Variants in SGCZ observed in about 807,000 individuals in gnomAD.
SGCZ encodes the protein sarcoglycan zeta, also known as zeta-sarcoglycan.
SGCZ carries 40 observed loss-of-function variants against 41.3 expected under a neutral mutation model. The ratio of observed to expected loss-of-function variants is 0.97; its 90% CI spans 0.75 to 1.26. The LOEUF (loss-of-function observed/expected upper bound fraction) is 1.26, where lower values mean the gene tolerates loss of function less well. Ranked by LOEUF, SGCZ falls within the 50% of genes most tolerant of loss-of-function variation. SGCZ has a pLI of 0.00. For missense variants in SGCZ, 552 were observed against 369.8 expected (o/e 1.49, Z -4.04); for synonymous variants, 206 against 137.5 (o/e 1.50, Z -3.49).
chr8:14,175,586 A>G (rs1020309814), intron 4 of SGCZ, among the ~76,000 whole-genome samples: 2 of 152,122 alleles, frequency 1.3e-5, no homozygotes, highest in Non-Finnish European at 2.9e-5. Context: ...TTCTTTTGGC[A>G]TAACTACTAA....
intron 1 of SGCZ, among the ~76,000 whole-genome samples, chr8:14,896,357 T>C (rs907160128): frequency 1.3e-5 from 2 of 152,216 alleles, no homozygotes; most frequent in African/African-American, 4.8e-5. Flanking sequence ...TAATGCCTAA[T>C]GGCACTGACT....
intron 2 of SGCZ, among the ~76,000 whole-genome samples, chr8:14,362,872 T>G (rs1311139531): frequency 6.6e-6 from 1 of 152,222 alleles, no homozygotes; most frequent in Non-Finnish European, 1.5e-5. Flanking sequence ...TTTATCTACA[T>G]ATATATGCAA....
intron 1 of SGCZ, among the ~76,000 whole-genome samples, chr8:14,592,190 A>T (rs182746638): frequency 6.6e-6 from 1 of 152,268 alleles, no homozygotes; most frequent in African/African-American, 2.4e-5. Flanking sequence ...CAGACTACAC[A>T]TTATCTCCAG....
intron 4 of SGCZ, among the ~76,000 whole-genome samples, chr8:14,183,752 A>T (rs1804810351): frequency 6.6e-6 from 1 of 152,198 alleles, no homozygotes; most frequent in Non-Finnish European, 1.5e-5. Context: ...TTCCCTGTAA[A>T]CTAAGAAAGG....
At chr8:14,516,874 T>G (rs10110025) in intron 2 of SGCZ, among the ~76,000 whole-genome samples, 46,410 of 151,818 alleles carry the variant, frequency 0.31, 8,191 homozygotes, top group African/African-American at 0.5. Flanking sequence ...ATAACTATTT[T>G]ATATAGAAAC....
In SGCZ at chr8:14,227,652, A is replaced by G. The variant is rs184096368; in HGVS notation, c.424+9940T>C. 4.5e-4 allele frequency among the ~76,000 whole-genome samples: 68 copies of G among 152,226 alleles called. No individual in the cohort carries two copies. The Middle Eastern group carries it at 0.017, about 38-fold the overall frequency. On this transcript the variant is annotated intron_variant, in intron 4 of 7. Transcript: ENST00000382080. ...AAGGGATTCATAACAATCTTAAGAA[A>G]TCTGAAGAGATTTGGGTAATACTGT...
intron 1 of SGCZ, among the ~76,000 whole-genome samples, chr8:15,040,509 C>A (rs991841428): frequency 6.6e-6 from 1 of 151,944 alleles, no homozygotes; most frequent in Non-Finnish European, 1.5e-5. Context: ...CCCAGCTACT[C>A]GGGAGGCTAA....
At chr8:15,221,739 T>G (rs1801610747) in intron 1 of SGCZ, among the ~76,000 whole-genome samples, 1 of 152,128 alleles carries the variant, frequency 6.6e-6, no homozygotes. Flanking sequence ...ATTTTACACT[T>G]TTTTTTAAAC....
intron 4 of SGCZ, among the ~76,000 whole-genome samples, chr8:14,175,434 T>C (rs993003711): frequency 2.0e-5 from 3 of 152,036 alleles, no homozygotes; most frequent in East Asian, 3.8e-4. Flanking sequence ...GTTTGAGAAA[T>C]ATAGAGAAAT....
chr8:15,173,826 A>T (rs921516084), intron 1 of SGCZ, among the ~76,000 whole-genome samples: 4 of 151,962 alleles, frequency 2.6e-5, no homozygotes, highest in Non-Finnish European at 5.9e-5. Flanking sequence ...TGCAGCTTTG[A>T]CCTCTAGGGC....
rs553561734 is a variant in SGCZ, at chr8:14,561,240, A to T, written c.40-6314T>A. Among the ~76,000 whole-genome samples, 4 of 152,298 alleles carry T rather than the reference A, an allele frequency of 2.6e-5. 1 individual carries two copies. The South Asian group carries it at 8.3e-4, about 32-fold the overall frequency. On this transcript the variant is annotated intron_variant, in intron 1 of 7. Transcript: ENST00000382080. ...ATTTTTAAGCATTAACTATATTCTG[A>T]AATACATTGTTTTCTTTGGCATTAT...
chr8:14,154,771 A>C (rs1803826693), intron 5 of SGCZ, among the ~76,000 whole-genome samples: 1 of 152,118 alleles, frequency 6.6e-6, no homozygotes, highest in South Asian at 2.1e-4. Context: ...TACTCTTCTA[A>C]TACAGGCACC....
At chr8:14,474,374 T>G (rs1315419825) in intron 2 of SGCZ, among the ~76,000 whole-genome samples, 2 of 152,228 alleles carry the variant, frequency 1.3e-5, no homozygotes, top group African/African-American at 4.8e-5. Context: ...GACTTCTAAA[T>G]CTACAGAAAC....
chr8:14,783,577 ATT>A (rs111663576), intron 1 of SGCZ, among the ~76,000 whole-genome samples: 1 of 151,822 alleles, frequency 6.6e-6, no homozygotes, highest in Admixed American at 6.6e-5. Flanking sequence ...TAACATAATA[ATT>A]TTTTTTTCCT....
intron 1 of SGCZ, among the ~76,000 whole-genome samples, chr8:14,941,752 T>C (rs1800281618): frequency 6.6e-6 from 1 of 151,826 alleles, no homozygotes; most frequent in South Asian, 2.1e-4. Context: ...ACTTGATTTT[T>C]TGCATAAAAC....
chr8:15,056,600 A>C (rs1033634378), intron 1 of SGCZ, among the ~76,000 whole-genome samples: 2 of 151,866 alleles, frequency 1.3e-5, no homozygotes, highest in African/African-American at 4.8e-5. Context: ...AGGTGCCTAC[A>C]TTTCTTTCTT....
chr8:15,116,038 C>CATAGATTATATATT (rs1807256804), intron 1 of SGCZ, among the ~76,000 whole-genome samples: 1 of 152,060 alleles, frequency 6.6e-6, no homozygotes, highest in Non-Finnish European at 1.5e-5. Context: ...TAAAAACAGC[C>CATAGATTATATATT]ATAAACAATA....
intron 2 of SGCZ, among the ~76,000 whole-genome samples, chr8:14,488,338 G>A (rs183716333): frequency 7.8e-6 from 1 of 128,092 alleles, no homozygotes; most frequent in Non-Finnish European, 1.7e-5. Flanking sequence ...CATCGCCACG[G>A]TTAAAGTAAG....
At chr8:14,789,141 G>A (rs958168800) in intron 1 of SGCZ, among the ~76,000 whole-genome samples, 4 of 152,030 alleles carry the variant, frequency 2.6e-5, no homozygotes, top group Non-Finnish European at 5.9e-5. Flanking sequence ...CTCCTGTTGT[G>A]TTTACAAACA....
Sources: allele counts gnomAD v4.1 joint callset (sites outside exome capture counted in the v4.1 genomes callset), GRCh38; gene constraint gnomAD v4.1.1; transcripts MANE v1.5; gene names NCBI Gene and HGNC (gene_info 2026-07-23, HGNC 2026-07-21).